Variants in FBXO25 observed in about 807,000 individuals in gnomAD.
The protein encoded by FBXO25 is F-box protein 25.
FBXO25 carries 45 observed loss-of-function variants against 51.9 expected under a neutral mutation model. The ratio of observed to expected loss-of-function variants is 0.87; its 90% CI spans 0.68 to 1.11. The LOEUF is 1.11. FBXO25 is among the 50% of genes most tolerant of loss of function. FBXO25 has a pLI of 0.00. For missense variants in FBXO25, 507 were observed against 428.5 expected (o/e 1.18, Z -1.62); for synonymous variants, 199 against 151.0 (o/e 1.32, Z -2.33).
rs187546862 is a variant in FBXO25, at chr8:468,684, C to A, written c.988-31C>A. ...ACTAGAGTGTGGCTGGTGGTGGGGC[C>A]CCCTCCTAACCATCTCCCACCTCCC... On this transcript the variant is annotated intron_variant, in intron 9 of 9. Transcript: ENST00000350302. 140 of 1,595,912 alleles carry A rather than the reference C, an allele frequency of 8.8e-5. No individual in the cohort carries two copies. The East Asian group carries it at 2.3e-3, about 26-fold the overall frequency.
intron 5 of FBXO25, among the ~76,000 whole-genome samples, chr8:442,284 AT>A (rs1798471167): frequency 8.3e-6 from 1 of 119,918 alleles, no homozygotes; most frequent in Non-Finnish European, 2.0e-5. Context: ...AGTTACTCCA[AT>A]TATTTTTTTT....
rs1554439633 is a variant in FBXO25, at chr8:431,398, G to A, written c.192G>A (p.Ser64=). Residue 64 remains serine (S), a synonymous_variant, in exon 3 of 10, where the codon TCG becomes TCA. Transcript: ENST00000350302. ...ATAATGAAGAGCATGAATATGCATC[G>A]AAAAAAAGGAAAAAGGACCATTTTA... is the stretch of plus-strand genomic sequence containing the variant. The part of the protein sequence containing the change: ...IFNNEEHEYA[S]KKRKKDHFRN... 16 of 1,546,680 alleles carry A rather than the reference G, an allele frequency of 1.0e-5. No homozygotes were observed. The South Asian group carries it at 1.1e-4, about 11-fold the overall frequency.
At chr8:460,215 G>A (rs1019754894) in intron 8 of FBXO25, among the ~76,000 whole-genome samples, 4 of 152,112 alleles carry the variant, frequency 2.6e-5, no homozygotes, top group Non-Finnish European at 5.9e-5. Context: ...TATACATCTA[G>A]ACCCTAAACA....
intron 9 of FBXO25, among the ~76,000 whole-genome samples, chr8:464,596 T>C (rs1012089448): frequency 8.5e-5 from 13 of 152,346 alleles, no homozygotes; most frequent in Admixed American, 7.8e-4. Context: ...TATCTATATT[T>C]GTTATCAGAT....
Position 435,665 on chromosome 8 carries a change from A to T in FBXO25, c.339A>T (p.Ser113=), listed in dbSNP as rs371366010. ...AAGCCTTTAATCGGTTAGACTTCTC[A>T]AGTGCAATTCAAGATATCCGAAGGT... is the stretch of plus-strand genomic sequence containing the variant. ...LGEAFNRLDF[S]SAIQDIRRFN... is the part of the protein sequence containing the mutation. Residue 113 remains serine, a synonymous_variant, in exon 5 of 10, where the codon TCA becomes TCT. Transcript: ENST00000350302. 9 of 1,602,850 alleles carry T rather than the reference A, an allele frequency of 5.6e-6. No individual in the cohort carries two copies. The highest frequency in any genetic ancestry group is 7.6e-6 in the Non-Finnish European group (9 of 1,177,352).
chr8:426,821 T>G (rs1446736608), intron 2 of FBXO25, among the ~76,000 whole-genome samples: 1 of 152,098 alleles, frequency 6.6e-6, no homozygotes, highest in Admixed American at 6.6e-5. Context: ...CTGGCCTTGG[T>G]GCTCTTGTCG....
intron 1 of FBXO25, among the ~76,000 whole-genome samples, chr8:409,416 T>G (rs1033420906): frequency 1.3e-5 from 2 of 152,202 alleles, no homozygotes; most frequent in Non-Finnish European, 2.9e-5. Flanking sequence ...CCTTAAAAAA[T>G]CAAACTTATC....
chr8:460,002 T>C (rs1799703859), intron 8 of FBXO25, among the ~76,000 whole-genome samples: 2 of 151,804 alleles, frequency 1.3e-5, no homozygotes, highest in Admixed American at 6.6e-5. Flanking sequence ...AGGAGAACAG[T>C]AGATTGAATT....
At position 468,045 on chromosome 8, in the gene FBXO25, GGAGAGA is replaced by G. The variant is rs2116860861; in HGVS notation, c.988-669_988-664del. ...TGGCAGCACTGCCAGGGCATGCCAT[GGAGAGA>G]TCCAGCACTGACCCCAGAGCCTCTG... On this transcript the variant is annotated intron_variant, in intron 9 of 9. Coordinates refer to ENST00000350302, the MANE Select transcript of FBXO25 (RefSeq NM_183420.2). 3.2e-6 allele frequency: 4 copies of G among 1,268,366 alleles called. No homozygotes were observed. The African/African-American group carries it at 4.5e-5, about 14-fold the overall frequency. The allele number at this position is 1,268,366 out of a possible 1,614,324, so 78.6% of individuals were successfully genotyped here. A position where few individuals can be genotyped will look rare whatever the true frequency, so the allele number is the denominator to read the frequency against.
chr8:458,597 C>G (rs748929987), intron 8 of FBXO25, 46 bp downstream of exon 8: 1 of 1,589,856 alleles, frequency 6.3e-7, no homozygotes. Flanking sequence ...AGTTTATAGA[C>G]TCTGCCTGGG....
chr8:442,498 G>A (rs937838466), intron 5 of FBXO25, among the ~76,000 whole-genome samples: 1 of 152,012 alleles, frequency 6.6e-6, no homozygotes, highest in Non-Finnish European at 1.5e-5. Flanking sequence ...CTGAGACAGA[G>A]TCGCTTTGTC....
intron 2 of FBXO25, among the ~76,000 whole-genome samples, chr8:416,364 C>G (rs1357946799): frequency 2.0e-5 from 3 of 152,246 alleles, no homozygotes; most frequent in South Asian, 2.1e-4. Flanking sequence ...TTTCTCAGAA[C>G]CTTAGGTTGA....
Position 419,573 on chromosome 8 carries a change from C to T in FBXO25, c.134+6360C>T, listed in dbSNP as rs1563065102. On this transcript the variant is annotated intron_variant, in intron 2 of 9. Transcript: ENST00000350302. ...ATATATTCCATGGAGAAAGTGTAATCTTGTCAGCAAATGGGCTAGAAAACT... is the reference window on the plus strand; with the variant it reads ...ATATATTCCATGGAGAAAGTGTAATTTTGTCAGCAAATGGGCTAGAAAACT... Among the ~76,000 whole-genome samples the T allele has an allele frequency of 5.3e-5, 8 of 152,208 alleles. 1 individual carries two copies. The highest frequency in any genetic ancestry group is 5.2e-4 in the Admixed American group (8 of 15,296).
intron 2 of FBXO25, among the ~76,000 whole-genome samples, chr8:418,210 C>G (rs576158576): frequency 6.6e-6 from 1 of 152,020 alleles, no homozygotes; most frequent in Non-Finnish European, 1.5e-5. Flanking sequence ...GGACAGTGCA[C>G]AAGGTGTTTA....
chr8:456,336 G>T (rs1282438543), intron 7 of FBXO25, among the ~76,000 whole-genome samples: 3 of 152,044 alleles, frequency 2.0e-5, no homozygotes, highest in African/African-American at 7.2e-5. Flanking sequence ...CAGCCTCCTG[G>T]GTGGCTGGGA....
chr8:418,406 C>G (rs1337980500), intron 2 of FBXO25, among the ~76,000 whole-genome samples: 3 of 116,472 alleles, frequency 2.6e-5, no homozygotes, highest in Non-Finnish European at 4.8e-5. Flanking sequence ...GTGGCATGAT[C>G]TCGGCTCACT....
At chr8:456,201 TTTTTG>T (rs796969252) in intron 7 of FBXO25, among the ~76,000 whole-genome samples, 1 of 152,214 alleles carries the variant, frequency 6.6e-6, no homozygotes. Context: ...GCACGTTATC[TTTTTG>T]TTTTGTTTTG....
intron 9 of FBXO25, chr8:467,597 C>A: frequency 2.0e-6 from 2 of 983,902 alleles, no homozygotes; most frequent in Admixed American, 2.0e-5. Context: ...TAGTTATTTT[C>A]GTAAATAATA....
intron 2 of FBXO25, among the ~76,000 whole-genome samples, chr8:416,831 C>T (rs149635970): frequency 0.091 from 13,824 of 152,232 alleles, 714 homozygotes; most frequent in African/African-American, 0.14. Context: ...TCTGATGGAG[C>T]TTGCATTCTG....
Sources: gnomAD v4.1 joint callset for allele counts (sites outside exome capture counted in the v4.1 genomes callset) on GRCh38, gnomAD v4.1.1 for gene constraint, MANE v1.5 for transcripts, NCBI Gene and HGNC (gene_info 2026-07-23, HGNC 2026-07-21) for gene names.